Variants in WIPF2 observed in about 807,000 individuals in gnomAD.
WIPF2 encodes WAS/WASL interacting protein family member 2.
Under a neutral mutation model 38.8 loss-of-function variants are expected in WIPF2, and 23 were observed. The observed-to-expected ratio is 0.59, with a 90% CI of 0.43 to 0.84. The LOEUF (loss-of-function observed/expected upper bound fraction) is 0.84, where lower values mean the gene tolerates loss of function less well. WIPF2 is among the 40% of genes least tolerant of loss of function. WIPF2 has a pLI of 0.00. For missense variants in WIPF2, 574 were observed against 580.5 expected (o/e 0.99, Z 0.11); for synonymous variants, 210 against 223.2 (o/e 0.94, Z 0.53).
chr17:40,246,352 C>G (rs1219925716), intron 1 of WIPF2, among the ~76,000 whole-genome samples: 2 of 150,908 alleles, frequency 1.3e-5, no homozygotes, highest in Non-Finnish European at 2.9e-5. Context: ...TCCCAAAGTG[C>G]TGGGATTACA....
chr17:40,283,642 TTATAA>T lies in WIPF2; in HGVS notation c.*5419_*5423del, dbSNP rs2032599338. The T allele has an allele frequency of 6.6e-6, 1 of 152,204 alleles. No individual in the cohort carries two copies. Among genetic ancestry groups the T allele is most frequent in the African/African-American group, 2.4e-5 (1 of 41,452 alleles). 9.4% of individuals were successfully genotyped at this position (152,204 alleles called of 1,614,324 possible). ...CCTTGTGACCTTTTCCTTGAATCTC[TTATAA>T]TTCTTTCTACCTGTGTTGCATGGCA... is the stretch of plus-strand genomic sequence containing the variant. On this transcript the variant is annotated 3_prime_UTR_variant, in exon 8 of 8. Coordinates refer to ENST00000323571, the MANE Select transcript of WIPF2 (RefSeq NM_133264.5).
chr17:40,239,561 G>A (rs1332432985), intron 1 of WIPF2, among the ~76,000 whole-genome samples: 3 of 152,066 alleles, frequency 2.0e-5, no homozygotes, highest in Non-Finnish European at 4.4e-5. Context: ...TTGGAGCCAA[G>A]TGAGAGAAAG....
At chr17:40,231,823 G>A (rs574183897) in intron 1 of WIPF2, among the ~76,000 whole-genome samples, 79 of 151,974 alleles carry the variant, frequency 5.2e-4, no homozygotes, top group African/African-American at 1.8e-3. Flanking sequence ...AATCTGAGAA[G>A]AGCTGTTTTT....
intron 5 of WIPF2, among the ~76,000 whole-genome samples, chr17:40,271,064 C>T (rs1360902392): frequency 1.3e-5 from 2 of 152,132 alleles, no homozygotes; most frequent in Non-Finnish European, 2.9e-5. Flanking sequence ...CCTCCATCTC[C>T]CAGGTTCAAG....
In WIPF2 at chr17:40,219,405, GAGAAAGA is replaced by G; in HGVS notation, c.-156_-150del. On this transcript the variant is annotated 5_prime_UTR_variant, in exon 1 of 8. Coordinates refer to ENST00000323571, the MANE Select transcript of WIPF2 (RefSeq NM_133264.5). ...CGGCGGCGGCGGCGGCGGCGACGGC[GAGAAAGA>G]GCTTGCCGGGGGGCGAGCAGGACAG... 9.6e-6 allele frequency: 4 copies of G among 415,168 alleles called. No individual in the cohort carries two copies. Among genetic ancestry groups the G allele is most frequent in the Non-Finnish European group, 1.8e-5 (4 of 219,542 alleles). 25.7% of individuals were successfully genotyped at this position (415,168 alleles called of 1,614,324 possible).
At chr17:40,271,703 G>C (rs1409596017) in intron 5 of WIPF2, among the ~76,000 whole-genome samples, 1 of 152,124 alleles carries the variant, frequency 6.6e-6, no homozygotes, top group African/African-American at 2.4e-5. Flanking sequence ...CTGAGTCCCA[G>C]TTTTCTCATT....
chr17:40,265,953 T>C lies in WIPF2; in HGVS notation c.970+807T>C, dbSNP rs1057377787. On this transcript the variant is annotated intron_variant, in intron 5 of 7. Coordinates refer to ENST00000323571, the MANE Select transcript of WIPF2 (RefSeq NM_133264.5). ...ATTTGTGGGAAGATAGGTGTTCAGT[T>C]TGAGACAAGTTTGAGATGCCTGTTA... is the stretch of plus-strand genomic sequence containing the variant. Among the ~76,000 whole-genome samples the C allele has an allele frequency of 2.7e-4, 41 of 151,984 alleles. 1 individual carries two copies. Among genetic ancestry groups the C allele is most frequent in the Non-Finnish European group, 8.8e-5 (6 of 67,992 alleles).
chr17:40,260,815 C>A (rs955624493), intron 3 of WIPF2, 148 bp downstream of exon 3: 1 of 1,095,028 alleles, frequency 9.1e-7, no homozygotes, highest in Non-Finnish European at 1.3e-6. Flanking sequence ...TTCTTCTGAA[C>A]CTTAGAAGTT....
intron 1 of WIPF2, among the ~76,000 whole-genome samples, chr17:40,232,179 A>ATTTTTTTTTTTT (rs752876006): frequency 2.1e-4 from 16 of 76,050 alleles, no homozygotes; most frequent in African/African-American, 5.5e-4. Flanking sequence ...TGCCTGGCTA[A>ATTTTTTTTTTTT]TTTTTTTTTT....
chr17:40,266,237 C>CAAAA (rs973061072), intron 5 of WIPF2, among the ~76,000 whole-genome samples: 3 of 62,338 alleles, frequency 4.8e-5, no homozygotes, highest in African/African-American at 1.8e-4. Context: ...CAGTCCATCT[C>CAAAA]AAAAAAAAAA....
intron 1 of WIPF2, among the ~76,000 whole-genome samples, chr17:40,236,464 A>C (rs145099946): frequency 6.7e-6 from 1 of 148,444 alleles, no homozygotes; most frequent in Admixed American, 6.7e-5. Context: ...CAGCCTCCCG[A>C]GTAGCTGGAA....
At position 40,224,236 on chromosome 17, in the gene WIPF2, T is replaced by C. The variant is rs574356153; in HGVS notation, c.-70+4744T>C. On this transcript the variant is annotated intron_variant, in intron 1 of 7. Transcript: ENST00000323571. Reference sequence around the variant, plus strand: ...TTTTTTTTTTCTTTTCTTTTCTTTTTTTTTTTTTTTTTTGAGACGGAGTCT... The same window carrying C: ...TTTTTTTTTTCTTTTCTTTTCTTTTCTTTTTTTTTTTTTGAGACGGAGTCT... Among the ~76,000 whole-genome samples, 333 of 141,294 alleles carry C rather than the reference T, an allele frequency of 2.4e-3. 3 individuals are homozygous for C. The highest frequency in any genetic ancestry group is 8.3e-3 in the African/African-American group (310 of 37,574). 92.7% of individuals were successfully genotyped at this position (141,294 alleles called of 152,430 possible).
chr17:40,264,385 C>G, intron 4 of WIPF2, 105 bp from the exon 5 acceptor site: 1 of 730,448 alleles, frequency 1.4e-6, no homozygotes, highest in Middle Eastern at 2.9e-4. Context: ...TATTCAATTC[C>G]TTTCCCTGCT....
rs528401568 is a variant in WIPF2 at position 40,277,723 on chromosome 17, C to CTTT, written c.1283-445_1283-443dup. Among the ~76,000 whole-genome samples the CTTT allele has an allele frequency of 2.2e-4, 21 of 97,616 alleles. 3 individuals are homozygous for CTTT. The highest frequency in any genetic ancestry group is 7.8e-4 in the African/African-American group (14 of 17,938). 64.0% of individuals were successfully genotyped at this position (97,616 alleles called of 152,430 possible). A position where few individuals can be genotyped will look rare whatever the true frequency, so the allele number is the denominator to read the frequency against. On this transcript the variant is annotated intron_variant, in intron 7 of 7. Coordinates refer to ENST00000323571, the MANE Select transcript of WIPF2 (RefSeq NM_133264.5). ...ATTGCTTCTCATCATCTTCGTTGTC[C>CTTT]TTTTTTTTTTTTTTTTTTTGAGATA...
intron 1 of WIPF2, among the ~76,000 whole-genome samples, chr17:40,236,545 A>G (rs577042379): frequency 7.2e-6 from 1 of 139,498 alleles, no homozygotes; most frequent in East Asian, 2.2e-4. Flanking sequence ...GCCTCAACCG[A>G]TCCTCCTGGC....
intron 4 of WIPF2, 135 bp from the exon 5 acceptor site, chr17:40,264,355 A>AAAAAAAAAAAAAACC: frequency 1.5e-6 from 1 of 664,656 alleles, no homozygotes; most frequent in Non-Finnish European, 2.5e-6. Context: ...AAAAAAAAAG[A>AAAAAAAAAAAAAACC]AAAACAAAAA....
intron 1 of WIPF2, among the ~76,000 whole-genome samples, chr17:40,252,606 G>A (rs2031593242): frequency 6.6e-6 from 1 of 151,246 alleles, no homozygotes; most frequent in Non-Finnish European, 1.5e-5. Flanking sequence ...AGAGGTTGCA[G>A]CGAGCCGAGA....
chr17:40,223,523 G>A (rs2030339086), intron 1 of WIPF2, among the ~76,000 whole-genome samples: 1 of 147,986 alleles, frequency 6.8e-6, no homozygotes, highest in Admixed American at 6.7e-5. Flanking sequence ...GACTCACTAG[G>A]TGTTTTTAGG....
chr17:40,235,147 G>A (rs916839114), intron 1 of WIPF2, among the ~76,000 whole-genome samples: 13 of 151,334 alleles, frequency 8.6e-5, no homozygotes, highest in Non-Finnish European at 1.3e-4. Flanking sequence ...CGCCCGCCTC[G>A]GCCTCCCAAA....
Sources: allele counts gnomAD v4.1 joint callset (sites outside exome capture counted in the v4.1 genomes callset), GRCh38; gene constraint gnomAD v4.1.1; transcripts MANE v1.5; gene names NCBI Gene and HGNC (gene_info 2026-07-23, HGNC 2026-07-21).